Variants in FNIP2 observed in about 807,000 individuals in gnomAD.
FNIP2 encodes the protein folliculin interacting protein 2, also known as folliculin-interacting protein 2.
In FNIP2, 32 loss-of-function variants were observed where a neutral mutation model predicts 108.7. The observed-to-expected ratio is 0.29, with a 90% confidence interval of 0.22 to 0.40. The LOEUF is 0.40. Ranked by LOEUF, FNIP2 falls within the 10% of genes least tolerant of loss-of-function variation. FNIP2 has a pLI of 1.00. For missense variants in FNIP2, 1,202 were observed against 1,381.6 expected (o/e 0.87, Z 2.06); for synonymous variants, 480 against 496.7 (o/e 0.97, Z 0.45).
At chr4:158,893,702 G>A (rs2126776218) in intron 15 of FNIP2, 3 of 1,589,116 alleles carry the variant, frequency 1.9e-6, no homozygotes, top group East Asian at 2.2e-5. Context: ...TGATTTAGAG[G>A]TTAATGTTTC....
chr4:158,778,267 G>A (rs1775923369), intron 1 of FNIP2, among the ~76,000 whole-genome samples: 1 of 152,184 alleles, frequency 6.6e-6, no homozygotes, highest in African/African-American at 2.4e-5. Flanking sequence ...TCCCTTATCT[G>A]AGGTTTCACT....
chr4:158,833,726 C>T (rs779951938), intron 6 of FNIP2, 98 bp downstream of exon 6: 25 of 1,326,994 alleles, frequency 1.9e-5, no homozygotes, highest in African/African-American at 6.0e-5. Context: ...TTTTTTTTTG[C>T]GTTATCTTTA....
intron 14 of FNIP2, among the ~76,000 whole-genome samples, chr4:158,870,899 C>G (rs1001302065): frequency 1.3e-5 from 2 of 152,238 alleles, no homozygotes; most frequent in African/African-American, 4.8e-5. Flanking sequence ...GGTCAGCCTC[C>G]TGGGGCCCAG....
In FNIP2 at chr4:158,785,133, T is replaced by G. The variant is rs1050280095; in HGVS notation, c.107+15814T>G. Reference sequence around the variant, plus strand: ...CCAGAGTCTCACTCTGTTGCCAGGCTGGAGTGCAGTGGCACGATCTCAGTT... The same window carrying G: ...CCAGAGTCTCACTCTGTTGCCAGGCGGGAGTGCAGTGGCACGATCTCAGTT... On this transcript the variant is annotated intron_variant, in intron 1 of 16. Transcript: ENST00000264433. Among the ~76,000 whole-genome samples the G allele has an allele frequency of 2.1e-5, 3 of 140,048 alleles. No homozygotes were observed. In the Admixed American group the frequency reaches 2.3e-4, roughly 11 times the overall value. 91.9% of individuals were successfully genotyped at this position (140,048 alleles called of 152,430 possible). A position where few individuals can be genotyped will look rare whatever the true frequency, so the allele number is the denominator to read the frequency against.
At chr4:158,828,748 A>G (rs1778296518) in intron 2 of FNIP2, among the ~76,000 whole-genome samples, 1 of 152,252 alleles carries the variant, frequency 6.6e-6, no homozygotes, top group Non-Finnish European at 1.5e-5. Context: ...GTAATGGATT[A>G]TGACTCTACA....
intron 1 of FNIP2, among the ~76,000 whole-genome samples, chr4:158,825,011 C>T (rs1426167519): frequency 5.3e-5 from 8 of 152,184 alleles, no homozygotes; most frequent in Non-Finnish European, 1.0e-4. Flanking sequence ...ATACATTCGT[C>T]TGTGATTATT....
At chr4:158,772,231 A>C (rs766202376) in intron 1 of FNIP2, among the ~76,000 whole-genome samples, 7 of 152,224 alleles carry the variant, frequency 4.6e-5, no homozygotes, top group African/African-American at 7.2e-5. Flanking sequence ...CAGAAAAATA[A>C]ATTAGGACAA....
At chr4:158,882,138 C>T (rs1173419046) in intron 14 of FNIP2, among the ~76,000 whole-genome samples, 1 of 150,856 alleles carries the variant, frequency 6.6e-6, no homozygotes, top group Non-Finnish European at 1.5e-5. Flanking sequence ...ATGAGGAGCC[C>T]CTCTGCCCGG....
intron 16 of FNIP2, among the ~76,000 whole-genome samples, chr4:158,902,729 T>C (rs1288810632): frequency 1.3e-5 from 2 of 152,254 alleles, no homozygotes; most frequent in Non-Finnish European, 2.9e-5. Flanking sequence ...GTGGCCTTGC[T>C]GAGAGCTGCA....
At chr4:158,832,341 A>C (rs570488374) in intron 5 of FNIP2, among the ~76,000 whole-genome samples, 1 of 152,340 alleles carries the variant, frequency 6.6e-6, no homozygotes, top group South Asian at 2.1e-4. Flanking sequence ...CCTAAAGACA[A>C]ATGGCTGTCT....
rs1190636276 is a variant in FNIP2 at position 158,769,171 on chromosome 4, C to T, written c.-42C>T. ...CGCCCCCGGCTGCGCGCTGAGCCGC[C>T]GGCCCCCCGAGCGCCACGGCCGGAG... On this transcript the variant is annotated 5_prime_UTR_variant, in exon 1 of 17. Coordinates refer to ENST00000264433, the MANE Select transcript of FNIP2 (RefSeq NM_020840.3). 5 of 1,110,974 alleles carry T rather than the reference C, an allele frequency of 4.5e-6. No individual in the cohort carries two copies. Among genetic ancestry groups the T allele is most frequent in the Non-Finnish European group, 4.5e-6 (4 of 883,516 alleles). 68.8% of individuals were successfully genotyped at this position (1,110,974 alleles called of 1,614,324 possible).
chr4:158,783,646 C>T (rs1776123965), intron 1 of FNIP2, among the ~76,000 whole-genome samples: 1 of 152,110 alleles, frequency 6.6e-6, no homozygotes, highest in Non-Finnish European at 1.5e-5. Context: ...AGTCCGTTCA[C>T]CATCAGATTA....
At position 158,769,287 on chromosome 4, in the gene FNIP2, G is replaced by T. The variant is rs1775611047; in HGVS notation, c.75G>T (p.Gln25His). 2 of 1,538,624 alleles carry T rather than the reference G, an allele frequency of 1.3e-6. No homozygotes were observed. Among genetic ancestry groups the T allele is most frequent in the African/African-American group, 2.8e-5 (2 of 71,666 alleles). ...SSGSSAAASA[Q>H]GRAPKEGPAF... Reference sequence around the variant, plus strand: ...GCAGCTCCGCGGCGGCGTCTGCCCAGGGCAGGGCTCCTAAGGAAGGACCCG... The same window carrying T: ...GCAGCTCCGCGGCGGCGTCTGCCCATGGCAGGGCTCCTAAGGAAGGACCCG... The change falls in exon 1 of 17, where the codon CAG (glutamine) becomes CAT (histidine). Residue 25 changes from glutamine (Q) to histidine (H), a missense_variant. Gln to His is a conservative substitution (Grantham distance 24). This residue lies in a region of FNIP2 where 173 missense variants were observed against 165.9 expected (regional missense o/e 1.04). Coordinates refer to ENST00000264433, the MANE Select transcript of FNIP2 (RefSeq NM_020840.3).
intron 1 of FNIP2, among the ~76,000 whole-genome samples, chr4:158,811,060 C>G (rs1777240204): frequency 6.6e-6 from 1 of 152,104 alleles, no homozygotes; most frequent in South Asian, 2.1e-4. Context: ...AACTTGTGAC[C>G]CATCTAAGAT....
chr4:158,889,694 C>CT (rs1782189708), intron 14 of FNIP2: 1 of 371,682 alleles, frequency 2.7e-6, no homozygotes, highest in Non-Finnish European at 3.7e-6. Context: ...AGAAAGGTCT[C>CT]TAATATAGAT....
chr4:158,807,889 T>C (rs999308018), intron 1 of FNIP2, among the ~76,000 whole-genome samples: 17 of 152,206 alleles, frequency 1.1e-4, no homozygotes, highest in African/African-American at 3.9e-4. Context: ...ATATGGTACA[T>C]TAGAAAAATA....
At chr4:158,851,125 A>G (rs1268712006) in intron 7 of FNIP2, among the ~76,000 whole-genome samples, 196 bp from the exon 8 acceptor site, 1 of 152,170 alleles carries the variant, frequency 6.6e-6, no homozygotes, top group Non-Finnish European at 1.5e-5. Context: ...TACCATCTCA[A>G]CCATTTTATT....
chr4:158,894,739 G>A (rs1471906772), intron 15 of FNIP2, among the ~76,000 whole-genome samples: 1 of 152,110 alleles, frequency 6.6e-6, no homozygotes, highest in Non-Finnish European at 1.5e-5. Flanking sequence ...ATTTCCATGA[G>A]AATTGGTGAA....
chr4:158,822,743 T>C (rs1777953300), intron 1 of FNIP2, among the ~76,000 whole-genome samples: 1 of 152,176 alleles, frequency 6.6e-6, no homozygotes, highest in South Asian at 2.1e-4. Flanking sequence ...AAGAGATCCT[T>C]TTTGCTTCAG....
Sources: allele counts gnomAD v4.1 joint callset (sites outside exome capture counted in the v4.1 genomes callset), GRCh38; gene constraint gnomAD v4.1.1; regional missense constraint gnomAD v4.1.1; transcripts MANE v1.5; gene names NCBI Gene and HGNC (gene_info 2026-07-23, HGNC 2026-07-21).